Variants in PRKCQ observed in about 807,000 individuals in gnomAD.
The protein encoded by PRKCQ is protein kinase C theta.
Under a neutral mutation model 91.2 loss-of-function variants are expected in PRKCQ, and 41 were observed. The observed-to-expected ratio is 0.45, with a 90% CI of 0.35 to 0.58. The LOEUF (loss-of-function observed/expected upper bound fraction) is 0.58, where lower values mean the gene tolerates loss of function less well. PRKCQ is among the 20% of genes least tolerant of loss of function. The pLI is 0.00. For synonymous variants in PRKCQ, 307 were observed against 316.9 expected, an observed-to-expected ratio of 0.97 and a Z score of 0.33; for missense variants, 673 against 896.5, an observed-to-expected ratio of 0.75 and a Z score of 3.18.
chr10:6,464,277 C>T, intron 13 of PRKCQ, 36 bp downstream of exon 13: 2 of 1,563,412 alleles, frequency 1.3e-6, no homozygotes, highest in Non-Finnish European at 1.8e-6. Flanking sequence ...CTGACAAGAA[C>T]AGTGGAAAAC....
chr10:6,553,030 T>C (rs1840251350), intron 1 of PRKCQ, among the ~76,000 whole-genome samples: 1 of 152,212 alleles, frequency 6.6e-6, no homozygotes, highest in Non-Finnish European at 1.5e-5. Context: ...GTGATCTCTT[T>C]AATGTCTGGT....
chr10:6,423,365 G>T (rs999960548), downstream of PRKCQ, among the ~76,000 whole-genome samples: 5 of 152,170 alleles, frequency 3.3e-5, no homozygotes, highest in African/African-American at 7.2e-5. Context: ...TATTTAGGAC[G>T]CAGGGAGAAA....
chr10:6,494,972 C>T (rs1234959017), intron 7 of PRKCQ, among the ~76,000 whole-genome samples: 3 of 152,202 alleles, frequency 2.0e-5, no homozygotes, highest in Non-Finnish European at 4.4e-5. Flanking sequence ...CTGTTATCTA[C>T]CACACTGCTC....
At chr10:6,496,216 CAAAAAAAAA>C (rs199934718) in intron 7 of PRKCQ, among the ~76,000 whole-genome samples, 35,401 of 95,592 alleles carry the variant, frequency 0.37, 5,840 homozygotes, top group South Asian at 0.54. Flanking sequence ...GATTCCATCT[CAAAAAAAAA>C]AAAAAAAAAA....
intron 11 of PRKCQ, among the ~76,000 whole-genome samples, chr10:6,482,979 A>G (rs1836692637): frequency 6.6e-6 from 1 of 152,160 alleles, no homozygotes; most frequent in African/African-American, 2.4e-5. Context: ...GGGTGGGGAC[A>G]CAGAGCCGAG....
chr10:6,456,624 A>T (rs758658809), intron 15 of PRKCQ, 50 bp downstream of exon 15: 2 of 1,594,670 alleles, frequency 1.3e-6, no homozygotes, highest in Middle Eastern at 3.4e-4. Flanking sequence ...AAGCAATGGC[A>T]TGTGGCCAGG....
At chr10:6,525,773 G>C (rs550772936) in intron 1 of PRKCQ, among the ~76,000 whole-genome samples, 1 of 152,264 alleles carries the variant, frequency 6.6e-6, no homozygotes, top group South Asian at 2.1e-4. Flanking sequence ...GTTTCTTTGA[G>C]GGGGATCTGC....
intron 15 of PRKCQ, among the ~76,000 whole-genome samples, chr10:6,449,362 G>A (rs1403402252): frequency 6.6e-6 from 1 of 152,100 alleles, no homozygotes; most frequent in African/African-American, 2.4e-5. Flanking sequence ...ATGAAATGAA[G>A]TGAGAAGGGA....
At chr10:6,514,187 T>A (rs1416064987) in intron 2 of PRKCQ, among the ~76,000 whole-genome samples, 1 of 152,190 alleles carries the variant, frequency 6.6e-6, no homozygotes, top group East Asian at 1.9e-4. Flanking sequence ...ATCATTATCA[T>A]TCCCTACAAA....
chr10:6,553,967 G>A (rs1003871393), intron 1 of PRKCQ, among the ~76,000 whole-genome samples: 22 of 38,536 alleles, frequency 5.7e-4, no homozygotes, highest in Non-Finnish European at 1.1e-3. Context: ...AAGTGCAGTG[G>A]AAACAGTAAA....
At chr10:6,447,504 T>G (rs1834379105) in intron 15 of PRKCQ, among the ~76,000 whole-genome samples, 1 of 152,114 alleles carries the variant, frequency 6.6e-6, no homozygotes, top group Non-Finnish European at 1.5e-5. Flanking sequence ...CAGCCTCTCT[T>G]TGCTCCTATT....
At position 6,496,235 on chromosome 10, in the gene PRKCQ, A is replaced by ATTG. The variant is rs1837588721; in HGVS notation, c.660+799_660+800insCAA. On this transcript the variant is annotated intron_variant, in intron 7 of 17. Transcript: ENST00000263125. ...CCATCTCAAAAAAAAAAAAAAAAAA[A>ATTG]AAAAAATTGAAAAAAGAAATCTGCA... Among the ~76,000 whole-genome samples, 3 of 141,734 alleles carry ATTG rather than the reference A, an allele frequency of 2.1e-5. No homozygotes were observed. The Admixed American group carries it at 2.2e-4, about 10-fold the overall frequency. 93.0% of individuals were successfully genotyped at this position (141,734 alleles called of 152,430 possible).
At position 6,498,528 on chromosome 10, in the gene PRKCQ, T is replaced by C. The variant is rs749268662; in HGVS notation, c.410A>G (p.Glu137Gly). 3.7e-6 allele frequency: 6 copies of C among 1,614,002 alleles called. No individual in the cohort carries two copies. In the South Asian group the frequency reaches 6.6e-5, roughly 18 times the overall value. The change falls in exon 5 of 18, where the codon GAA becomes GGA. Residue 137 changes from glutamate to glycine, a missense_variant. Transcript: ENST00000263125. ...GCGCTGATGCAAAGCAAAGAAGCCT[T>C]CCGTCTCAAATTCATTCATGTCCTT... ...DTKDMNEFETEGFFALHQRRG... is the reference protein window; with the variant it reads ...DTKDMNEFETGGFFALHQRRG...
At chr10:6,421,228 T>C in the PRKCQ span, among the ~76,000 whole-genome samples, 8 of 152,214 alleles carry the variant, frequency 5.3e-5, no homozygotes, top group African/African-American at 1.9e-4. The surrounding 1 kb of genome is among the most constrained non-coding windows in gnomAD (Gnocchi z 4.1). Context: ...CTCATGCCTG[T>C]AATCCCAGCA....
chr10:6,510,868 A>G, intron 3 of PRKCQ, 127 bp downstream of exon 3: 1 of 938,820 alleles, frequency 1.1e-6, no homozygotes, highest in Non-Finnish European at 1.7e-6. Flanking sequence ...ACCAGTAGGA[A>G]GTGGTAGGGA....
At chr10:6,415,710 T>C in the PRKCQ span, among the ~76,000 whole-genome samples, 3 of 151,452 alleles carry the variant, frequency 2.0e-5, no homozygotes, top group African/African-American at 7.3e-5. Flanking sequence ...AGCCCCATTG[T>C]TGACAATTGC....
At chr10:6,522,813 C>T (rs667254) in intron 1 of PRKCQ, among the ~76,000 whole-genome samples, 43,473 of 152,038 alleles carry the variant, frequency 0.29, 6,551 homozygotes, top group African/African-American at 0.36. Context: ...AATAGTAAAT[C>T]TGGGAATGAG....
At chr10:6,407,948 T>A in the PRKCQ span, among the ~76,000 whole-genome samples, 2 of 151,754 alleles carry the variant, frequency 1.3e-5, no homozygotes, top group Non-Finnish European at 2.9e-5. The surrounding 1 kb of genome is among the most constrained non-coding windows in gnomAD (Gnocchi z 4.0). Flanking sequence ...TTTTAAAACC[T>A]AGCCACAATA....
At chr10:6,539,339 G>C (rs1379917620) in intron 1 of PRKCQ, among the ~76,000 whole-genome samples, 1 of 152,106 alleles carries the variant, frequency 6.6e-6, no homozygotes, top group Non-Finnish European at 1.5e-5. Context: ...TTAGGAACTG[G>C]GGTGCACAGC....
Sources: allele counts gnomAD v4.1 joint callset (sites outside exome capture counted in the v4.1 genomes callset), GRCh38; gene constraint gnomAD v4.1.1; non-coding constraint Gnocchi (gnomAD v3.1); transcripts MANE v1.5; gene names NCBI Gene and HGNC (gene_info 2026-07-23, HGNC 2026-07-21).